SAMD4A: variants seen among roughly 807,000 people sequenced by gnomAD.
SAMD4A encodes sterile alpha motif domain containing 4A.
SAMD4A carries 33 observed loss-of-function variants against 81.3 expected under a neutral mutation model. That is an observed-to-expected ratio of 0.41 (90% CI 0.31 to 0.54). The LOEUF (loss-of-function observed/expected upper bound fraction) is 0.54. Among genes scored for constraint, SAMD4A ranks in the 20% least tolerant of loss-of-function variants. The probability of loss-of-function intolerance (pLI) is 0.37; values close to 1 mark genes in which losing one functional copy is unlikely to be tolerated. For synonymous variants in SAMD4A, 389 were observed against 382.1 expected, an observed-to-expected ratio of 1.02 and a Z score of -0.21; for missense variants, 854 against 951.1, an observed-to-expected ratio of 0.90 and a Z score of 1.34.
intron 2 of SAMD4A, among the ~76,000 whole-genome samples, chr14:54,595,691 A>G (rs2033893809): frequency 6.6e-6 from 1 of 152,122 alleles, no homozygotes; most frequent in Admixed American, 6.6e-5. Flanking sequence ...AACTGAGAGG[A>G]AAAGCTTCAA....
At chr14:54,774,032 T>C (rs1180442846) in intron 9 of SAMD4A, among the ~76,000 whole-genome samples, 6 of 152,246 alleles carry the variant, frequency 3.9e-5, no homozygotes. Context: ...TGACCCTGAC[T>C]CTGCTGTTTT....
chr14:54,715,801 A>G (rs2037103801), intron 3 of SAMD4A, among the ~76,000 whole-genome samples: 1 of 152,198 alleles, frequency 6.6e-6, no homozygotes. Context: ...TTAGAAACGT[A>G]TTAGAGTTTA....
chr14:54,677,937 T>A (rs1038461263), intron 2 of SAMD4A, among the ~76,000 whole-genome samples: 15 of 152,156 alleles, frequency 9.9e-5, no homozygotes, highest in Non-Finnish European at 1.9e-4. Context: ...TCATTCATTC[T>A]GTCTGTCTGT....
chr14:54,620,481 A>T (rs903243583), intron 2 of SAMD4A, among the ~76,000 whole-genome samples: 1 of 152,166 alleles, frequency 6.6e-6, no homozygotes, highest in Non-Finnish European at 1.5e-5. Context: ...TCCCGCTCAC[A>T]TGGCTGTAGA....
At chr14:54,661,847 C>T (rs1190628104) in intron 2 of SAMD4A, among the ~76,000 whole-genome samples, 1 of 151,950 alleles carries the variant, frequency 6.6e-6, no homozygotes, top group East Asian at 1.9e-4. Flanking sequence ...TACCAGGTGC[C>T]GAATGCTTAT....
chr14:54,647,005 A>G (rs997669234), intron 2 of SAMD4A, among the ~76,000 whole-genome samples: 1 of 152,212 alleles, frequency 6.6e-6, no homozygotes, highest in Non-Finnish European at 1.5e-5. Flanking sequence ...AAATGTTCGA[A>G]TTTATGTTAC....
At chr14:54,780,853 A>G (rs1047822111) in intron 11 of SAMD4A, among the ~76,000 whole-genome samples, 3 of 151,996 alleles carry the variant, frequency 2.0e-5, no homozygotes, top group Non-Finnish European at 4.4e-5. Context: ...CAGGGATGCT[A>G]TTCATTACTC....
intron 2 of SAMD4A, among the ~76,000 whole-genome samples, chr14:54,573,068 A>G (rs985632823): frequency 6.6e-6 from 1 of 152,204 alleles, no homozygotes; most frequent in African/African-American, 2.4e-5. Context: ...AAAAGAAGAA[A>G]TCATTTTGCT....
chr14:54,566,797 G>T (rs2032950923), upstream of SAMD4A, among the ~76,000 whole-genome samples: 1 of 152,150 alleles, frequency 6.6e-6, no homozygotes. Context: ...CGCTCCGGCC[G>T]GAGCAGGCCC....
chr14:54,702,608 A>C, intron 3 of SAMD4A, 28 bp downstream of exon 3: 2 of 1,608,478 alleles, frequency 1.2e-6, no homozygotes, highest in South Asian at 2.2e-5. Flanking sequence ...CCTTTAACGT[A>C]GTCTGGTTTG....
intron 2 of SAMD4A, among the ~76,000 whole-genome samples, chr14:54,688,862 A>G (rs140342446): frequency 2.1e-4 from 32 of 151,054 alleles, no homozygotes; most frequent in African/African-American, 7.8e-4. Flanking sequence ...GATCAAAATC[A>G]TCAGGGGGCT....
intron 3 of SAMD4A, among the ~76,000 whole-genome samples, chr14:54,714,772 A>G (rs1161350495): frequency 6.6e-6 from 1 of 152,148 alleles, no homozygotes; most frequent in Non-Finnish European, 1.5e-5. Context: ...TGCTTCTTCC[A>G]CAAGCCCAGC....
chr14:54,742,157 G>A (rs2140945423), intron 4 of SAMD4A, among the ~76,000 whole-genome samples: 1 of 152,208 alleles, frequency 6.6e-6, no homozygotes, highest in South Asian at 2.1e-4. Context: ...AAGCAGCAGT[G>A]AGAATAGAGA....
intron 2 of SAMD4A, among the ~76,000 whole-genome samples, chr14:54,680,530 T>G (rs1411237124): frequency 1.3e-5 from 2 of 152,248 alleles, no homozygotes; most frequent in African/African-American, 4.8e-5. Flanking sequence ...TTAATGAAAT[T>G]GAAGTTACTT....
intron 2 of SAMD4A, among the ~76,000 whole-genome samples, chr14:54,672,745 A>G (rs912427229): frequency 1.3e-5 from 2 of 152,230 alleles, no homozygotes; most frequent in African/African-American, 2.4e-5. Context: ...GGTAGCATGT[A>G]AATAAGTCTA....
intron 3 of SAMD4A, among the ~76,000 whole-genome samples, chr14:54,707,102 C>CTTT (rs11412662): frequency 0.016 from 2,101 of 130,394 alleles, 84 homozygotes; most frequent in African/African-American, 0.057. Context: ...TATGGACATA[C>CTTT]TTTTTTTTTT....
At chr14:54,695,953 G>GAAAAAAAA (rs35817270) in intron 2 of SAMD4A, among the ~76,000 whole-genome samples, 7 of 78,252 alleles carry the variant, frequency 8.9e-5, no homozygotes, top group African/African-American at 3.3e-4. Flanking sequence ...CTCCATCTCA[G>GAAAAAAAA]AAAAAAAAAA....
At position 54,789,307 on chromosome 14, in the gene SAMD4A, C is replaced by A; in HGVS notation, c.*363C>A. 3.6e-6 allele frequency: 1 copy of A among 281,246 alleles called. No individual in the cohort carries two copies. Among genetic ancestry groups the A allele is most frequent in the Non-Finnish European group, 6.8e-6 (1 of 147,646 alleles). 17.4% of individuals were successfully genotyped at this position (281,246 alleles called of 1,614,324 possible). A position where few individuals can be genotyped will look rare whatever the true frequency, so the allele number is the denominator to read the frequency against. On this transcript the variant is annotated 3_prime_UTR_variant, in exon 13 of 13. Coordinates refer to ENST00000554335, the MANE Select transcript of SAMD4A (RefSeq NM_015589.6). ...AAGAGATAGGAGACACATAAGAGGA[C>A]AGCAGAAGCCCTGGCCCTGGGGAGG...
intron 2 of SAMD4A, among the ~76,000 whole-genome samples, chr14:54,644,750 G>A (rs946031983): frequency 4.6e-5 from 7 of 152,186 alleles, no homozygotes; most frequent in African/African-American, 7.2e-5. Context: ...CACATGAGTG[G>A]TGTTGCAGGA....
Sources: gnomAD v4.1 joint callset for allele counts (sites outside exome capture counted in the v4.1 genomes callset) on GRCh38, gnomAD v4.1.1 for gene constraint, MANE v1.5 for transcripts, NCBI Gene and HGNC (gene_info 2026-07-23, HGNC 2026-07-21) for gene names.